Variants in LCLAT1 observed in about 807,000 individuals in gnomAD.
LCLAT1 encodes the protein lysocardiolipin acyltransferase 1.
Under a neutral mutation model 30.7 loss-of-function variants are expected in LCLAT1, and 11 were observed. That is an observed-to-expected ratio of 0.36 (90% confidence interval 0.23 to 0.59). LCLAT1 has a LOEUF of 0.59. LCLAT1 is among the 20% of genes least tolerant of loss of function. The pLI, the probability that LCLAT1 is intolerant of heterozygous loss-of-function variation, is 0.77. For missense variants in LCLAT1, 402 were observed against 458.6 expected (o/e 0.88, Z 1.13); for synonymous variants, 155 against 151.3 (o/e 1.02, Z -0.18).
chr2:30,571,268 C>G (rs1665766730), intron 5 of LCLAT1, among the ~76,000 whole-genome samples: 1 of 152,044 alleles, frequency 6.6e-6, no homozygotes, highest in African/African-American at 2.4e-5. Context: ...ATCAGCACAC[C>G]TGAACCAAAT....
chr2:30,549,754 T>G (rs1367464124), intron 3 of LCLAT1, among the ~76,000 whole-genome samples: 1 of 152,232 alleles, frequency 6.6e-6, no homozygotes, highest in Non-Finnish European at 1.5e-5. Flanking sequence ...AAAGGCAACA[T>G]TGTAAGACCT....
At chr2:30,475,086 C>A (rs1467463152) in intron 1 of LCLAT1, among the ~76,000 whole-genome samples, 1 of 152,078 alleles carries the variant, frequency 6.6e-6, no homozygotes, top group Non-Finnish European at 1.5e-5. Context: ...TATCCTTGAA[C>A]TCCTGGGCTC....
intron 1 of LCLAT1, among the ~76,000 whole-genome samples, chr2:30,509,523 A>G (rs1222136571): frequency 6.6e-6 from 1 of 152,080 alleles, no homozygotes; most frequent in African/African-American, 2.4e-5. Context: ...TTTGTTTCTA[A>G]ATTCACCATG....
chr2:30,502,568 C>CT (rs1684451736), intron 1 of LCLAT1, among the ~76,000 whole-genome samples: 1 of 152,132 alleles, frequency 6.6e-6, no homozygotes, highest in Non-Finnish European at 1.5e-5. Flanking sequence ...GGTCTGCTCT[C>CT]TGTCTCTGTA....
intron 3 of LCLAT1, among the ~76,000 whole-genome samples, chr2:30,552,926 C>G (rs1169375870): frequency 6.6e-6 from 1 of 152,140 alleles, no homozygotes; most frequent in Non-Finnish European, 1.5e-5. Context: ...GCATCCACAT[C>G]GTTTATTCAG....
intron 5 of LCLAT1, among the ~76,000 whole-genome samples, chr2:30,588,590 T>G (rs1024137234): frequency 6.6e-6 from 1 of 152,000 alleles, no homozygotes; most frequent in African/African-American, 2.4e-5. Context: ...GTTGTTTTGT[T>G]TTTTTGTTTT....
intron 5 of LCLAT1, among the ~76,000 whole-genome samples, chr2:30,584,326 A>G (rs545088455): frequency 3.9e-5 from 6 of 152,156 alleles, no homozygotes; most frequent in Admixed American, 2.0e-4. Context: ...CCCGCACTCA[A>G]TGCATCTAGC....
chr2:30,510,042 C>A (rs1684863576), intron 1 of LCLAT1, among the ~76,000 whole-genome samples: 1 of 152,154 alleles, frequency 6.6e-6, no homozygotes, highest in Non-Finnish European at 1.5e-5. Flanking sequence ...TGTTTAGTAG[C>A]AAGGATTTTG....
intron 3 of LCLAT1, among the ~76,000 whole-genome samples, chr2:30,555,718 C>T (rs28538173): frequency 0.22 from 33,824 of 151,622 alleles, 3,856 homozygotes; most frequent in East Asian, 0.35. Context: ...TGTTTAAATA[C>T]ATTTGTCAAA....
intron 1 of LCLAT1, among the ~76,000 whole-genome samples, chr2:30,472,466 T>G (rs1682847825): frequency 6.6e-6 from 1 of 152,218 alleles, no homozygotes; most frequent in Admixed American, 6.5e-5. Flanking sequence ...TTTTTGTTTA[T>G]GAGGCCTACA....
intron 5 of LCLAT1, among the ~76,000 whole-genome samples, chr2:30,589,413 G>A (rs951852469): frequency 2.0e-5 from 3 of 151,836 alleles, no homozygotes; most frequent in Non-Finnish European, 2.9e-5. Context: ...GGTGGATAAC[G>A]AGTATGTTTA....
rs186239220 is a variant in LCLAT1, at chr2:30,590,998, T to C, written c.628+22822T>C. Among the ~76,000 whole-genome samples, 15 of 152,246 alleles carry C rather than the reference T, an allele frequency of 9.9e-5. No individual in the cohort carries two copies. In the East Asian group the frequency reaches 1.7e-3, roughly 18 times the overall value. ...TCGAGGTAAAATTGGAGAGCTGATA[T>C]ATGTATTGTGACTTTTGCAGTTTAG... On this transcript the variant is annotated intron_variant, in intron 5 of 5. Coordinates refer to ENST00000379509, the MANE Select transcript of LCLAT1 (RefSeq NM_001002257.3).
chr2:30,574,134 C>T (rs1178971611), intron 5 of LCLAT1, among the ~76,000 whole-genome samples: 1 of 151,780 alleles, frequency 6.6e-6, no homozygotes, highest in Non-Finnish European at 1.5e-5. Context: ...AGAGCCAAGA[C>T]TCTGTCTCAA....
chr2:30,471,018 A>G (rs563548789), intron 1 of LCLAT1, among the ~76,000 whole-genome samples: 16 of 149,144 alleles, frequency 1.1e-4, no homozygotes, highest in East Asian at 5.9e-4. Context: ...GATTCAAGCA[A>G]TTCTCTGCCT....
intron 3 of LCLAT1, among the ~76,000 whole-genome samples, chr2:30,555,101 C>G (rs1202692640): frequency 6.6e-6 from 1 of 151,882 alleles, no homozygotes; most frequent in South Asian, 2.1e-4. Flanking sequence ...ATAAAAGCTT[C>G]CAGAGGAAAG....
At chr2:30,628,674 C>G (rs962148395) in intron 5 of LCLAT1, among the ~76,000 whole-genome samples, 2 of 151,948 alleles carry the variant, frequency 1.3e-5, no homozygotes, top group Admixed American at 6.6e-5. Flanking sequence ...GAAAGGAGAT[C>G]GGTGCCATAA....
intron 5 of LCLAT1, among the ~76,000 whole-genome samples, chr2:30,584,406 C>G (rs2148469911): frequency 6.6e-6 from 1 of 152,286 alleles, no homozygotes; most frequent in South Asian, 2.1e-4. Context: ...TTTAGAATGG[C>G]TTTAATAATA....
At chr2:30,500,635 A>G (rs1214107002) in intron 1 of LCLAT1, among the ~76,000 whole-genome samples, 1 of 152,224 alleles carries the variant, frequency 6.6e-6, no homozygotes, top group East Asian at 1.9e-4. Flanking sequence ...ACCCTTGAAT[A>G]CATTTCATGA....
chr2:30,491,500 G>A (rs1683830721), intron 1 of LCLAT1, among the ~76,000 whole-genome samples: 1 of 152,176 alleles, frequency 6.6e-6, no homozygotes, highest in African/African-American at 2.4e-5. Context: ...AGCCTGTTCT[G>A]TTAACCATTG....
Sources: allele counts gnomAD v4.1 joint callset (sites outside exome capture counted in the v4.1 genomes callset), GRCh38; gene constraint gnomAD v4.1.1; transcripts MANE v1.5; gene names NCBI Gene and HGNC (gene_info 2026-07-23, HGNC 2026-07-21).